CBL: variants seen among roughly 807,000 people sequenced by gnomAD.
The protein encoded by CBL is E3 ubiquitin-protein ligase CBL.
Under a neutral mutation model 96.9 loss-of-function variants are expected in CBL, and 45 were observed. That is an observed-to-expected ratio of 0.46 (90% CI 0.37 to 0.60). CBL has a LOEUF of 0.60. CBL is among the 20% of genes least tolerant of loss of function. CBL has a pLI of 0.00. For missense variants in CBL, 1,024 were observed against 1,143.5 expected (o/e 0.90, Z 1.51); for synonymous variants, 420 against 426.8 (o/e 0.98, Z 0.20).
intron 2 of CBL, among the ~76,000 whole-genome samples, chr11:119,249,466 A>G (rs550364004): frequency 9.0e-4 from 137 of 151,482 alleles, no homozygotes; most frequent in Non-Finnish European, 6.9e-4. Context: ...GAGGCAGGAG[A>G]ACCGCTTGAA....
intron 2 of CBL, among the ~76,000 whole-genome samples, chr11:119,262,169 A>G (rs1949759838): frequency 6.6e-6 from 1 of 152,230 alleles, no homozygotes; most frequent in Admixed American, 6.5e-5. Context: ...ACTCCAGTCA[A>G]AATATCAGAA....
At chr11:119,213,106 C>T (rs938699970) in intron 1 of CBL, among the ~76,000 whole-genome samples, 1 of 152,010 alleles carries the variant, frequency 6.6e-6, no homozygotes, top group Non-Finnish European at 1.5e-5. Flanking sequence ...TGAGCCACTG[C>T]GCCCAGCCAA....
intron 2 of CBL, among the ~76,000 whole-genome samples, chr11:119,259,262 G>A (rs1949734009): frequency 6.6e-6 from 1 of 151,964 alleles, no homozygotes; most frequent in Non-Finnish European, 1.5e-5. Context: ...CTTCCAATTT[G>A]GGTGCCCTTT....
At chr11:119,284,374 T>G (rs895998617) in intron 9 of CBL, among the ~76,000 whole-genome samples, 1 of 152,116 alleles carries the variant, frequency 6.6e-6, no homozygotes, top group African/African-American at 2.4e-5. Context: ...GGCTAGATTA[T>G]GGTTCACTGC....
chr11:119,302,944 T>C lies in CBL; in HGVS notation c.*3163T>C, dbSNP rs2135324592. 1 of 229,530 alleles carries C rather than the reference T, an allele frequency of 4.4e-6. No homozygotes were observed. Among genetic ancestry groups the C allele is most frequent in the Non-Finnish European group, 8.6e-6 (1 of 115,678 alleles). The allele number at this position is 229,530 out of a possible 1,614,324, so 14.2% of individuals were successfully genotyped here. On this transcript the variant is annotated 3_prime_UTR_variant, in exon 16 of 16. Coordinates refer to ENST00000264033, the MANE Select transcript of CBL (RefSeq NM_005188.4). ...CTCTTCTTATACAGACCCTCATTAC[T>C]GGGGCCCAAGATGTGGGATACTACT...
At chr11:119,212,432 C>T (rs1469735669) in intron 1 of CBL, among the ~76,000 whole-genome samples, 7 of 150,718 alleles carry the variant, frequency 4.6e-5, no homozygotes, top group African/African-American at 1.5e-4. Flanking sequence ...TCAAGACCAG[C>T]CTGACCAACA....
chr11:119,221,857 G>C (rs1949414860), intron 1 of CBL, among the ~76,000 whole-genome samples: 1 of 151,646 alleles, frequency 6.6e-6, no homozygotes, highest in Non-Finnish European at 1.5e-5. Context: ...GAAGCTTTAA[G>C]AGACTTTAGA....
intron 2 of CBL, among the ~76,000 whole-genome samples, chr11:119,254,651 G>C (rs1224270506): frequency 1.3e-5 from 2 of 151,856 alleles, no homozygotes; most frequent in Non-Finnish European, 2.9e-5. Context: ...GCCCAGGCTG[G>C]AATGCAGTGG....
rs139332955 is a variant in CBL at position 119,276,368 on chromosome 11, ATCTT to A, written c.1007+240_1007+243del. Among the ~76,000 whole-genome samples the A allele has an allele frequency of 9.1e-3, 1,381 of 152,294 alleles. 17 individuals carry two copies. Among genetic ancestry groups the A allele is most frequent in the African/African-American group, 0.026 (1,071 of 41,560 alleles). On this transcript the variant is annotated intron_variant, in intron 6 of 15. Coordinates refer to ENST00000264033, the MANE Select transcript of CBL (RefSeq NM_005188.4). Reference sequence around the variant, plus strand: ...TCAGTTATTACCATAAATAAACTTTATCTTTCTTTTTTCCAAATGTTAACTTATT... The same window carrying A: ...TCAGTTATTACCATAAATAAACTTTATCTTTTTTCCAAATGTTAACTTATT...
intron 2 of CBL, among the ~76,000 whole-genome samples, chr11:119,263,088 T>C (rs991585636): frequency 1.3e-5 from 2 of 152,202 alleles, no homozygotes; most frequent in African/African-American, 4.8e-5. Context: ...TAGTAAAGCA[T>C]CTAATCCCTA....
intron 13 of CBL, 30 bp downstream of exon 13, chr11:119,297,064 T>G: frequency 3.5e-6 from 4 of 1,136,004 alleles, no homozygotes; most frequent in Non-Finnish European, 5.4e-6. Flanking sequence ...TTTTGGGCCC[T>G]ATACCTTTAT....
chr11:119,276,072 C>T lies in CBL; in HGVS notation c.945C>T (p.Leu315=), dbSNP rs1466255083. The change falls in exon 6 of 16, where the codon CTC becomes CTT. Residue 315 remains leucine (L), a synonymous_variant. Coordinates refer to ENST00000264033, the MANE Select transcript of CBL (RefSeq NM_005188.4). ...ATGTTACTGCTGATGGGAACATTCT[C>T]CAGACAATCCCTCACAATAAACCTC... ...IGYVTADGNI[L]QTIPHNKPLF... is the part of the protein sequence containing the mutation. 6.2e-7 allele frequency: 1 copy of T among 1,614,022 alleles called. No individual in the cohort carries two copies.
chr11:119,281,085 ATG>A (rs1301659213), intron 9 of CBL, among the ~76,000 whole-genome samples: 1 of 152,204 alleles, frequency 6.6e-6, no homozygotes, highest in Non-Finnish European at 1.5e-5. Context: ...GTATAGTAGT[ATG>A]TGATACCGTG....
chr11:119,206,793 C>T (rs1450090169), intron 1 of CBL, among the ~76,000 whole-genome samples, 181 bp downstream of exon 1: 3 of 32,004 alleles, frequency 9.4e-5, no homozygotes, highest in Non-Finnish European at 1.5e-4. Flanking sequence ...GGGTGGGGGG[C>T]GGCGTGGGGG....
At chr11:119,269,908 A>G (rs1440877057) in intron 2 of CBL, among the ~76,000 whole-genome samples, 5 of 152,084 alleles carry the variant, frequency 3.3e-5, no homozygotes, top group Non-Finnish European at 5.9e-5. Context: ...GAGGCAGGAG[A>G]ATGGCGTGAA....
intron 9 of CBL, among the ~76,000 whole-genome samples, chr11:119,280,505 G>A (rs1234321050): frequency 6.6e-6 from 1 of 151,990 alleles, no homozygotes; most frequent in South Asian, 2.1e-4. Context: ...GAGAATGCCT[G>A]TTTCTTCACA....
Position 119,299,779 on chromosome 11 carries a change from T to C in CBL, c.2719T>C (p.Ter907GlnextTer9). The C allele has an allele frequency of 6.2e-7, 1 of 1,613,736 alleles. No homozygotes were observed. The highest frequency in any genetic ancestry group is 8.5e-7 in the Non-Finnish European group (1 of 1,179,734). ...TTCTTCTCCTGCCCATGTAGCTACC[T>C]AGCACACCATCTCCCTGCTGCAGGT... Reference protein sequence around the residue: ...SISSPAHVAT* With the variant: ...SISSPAHVATQ Residue 907 changes from the stop codon to glutamine (Q), a stop_lost, in exon 16 of 16, where the codon TAG (stop) becomes CAG (glutamine). Transcript: ENST00000264033.
Position 119,285,192 on chromosome 11 carries a change from G to T in CBL, c.1567G>T (p.Ala523Ser). 1.9e-6 allele frequency: 3 copies of T among 1,614,136 alleles called. No homozygotes were observed. Among genetic ancestry groups the T allele is most frequent in the Non-Finnish European group, 2.5e-6 (3 of 1,180,020 alleles). ...TGCTTTCACCCTGCTTCCACAGGCT[G>T]CTTCTGGCTCCCTTCATAAAGACAA... ...ASALGTASKA[A>S]SGSLHKDKPL... Residue 523 changes from alanine to serine, a missense_variant, in exon 11 of 16, where the codon GCT becomes TCT. Physicochemically the swap from Ala to Ser is moderately conservative, Grantham distance 99 (BLOSUM62 1). Around this residue, in one of 4 missense-constraint regions of CBL, gnomAD observed 695 missense variants for 661.6 expected, o/e 1.05. Transcript: ENST00000264033.
intron 2 of CBL, among the ~76,000 whole-genome samples, chr11:119,257,429 G>A (rs1949720156): frequency 6.6e-6 from 1 of 152,134 alleles, no homozygotes; most frequent in Admixed American, 6.5e-5. Context: ...GCCTATTTAT[G>A]TTGTTTGCCC....
Sources: gnomAD v4.1 joint callset for allele counts (sites outside exome capture counted in the v4.1 genomes callset) on GRCh38, gnomAD v4.1.1 for gene constraint, gnomAD v4.1.1 regional missense constraint, MANE v1.5 for transcripts, NCBI Gene and HGNC (gene_info 2026-07-23, HGNC 2026-07-21) for gene names.